The following PCDH15 variants were observed in gnomAD, a reference collection of about 807,000 sequenced individuals.
The protein encoded by PCDH15 is protocadherin related 15, also known as protocadherin-15.
Under a neutral mutation model 178.5 loss-of-function variants are expected in PCDH15, and 129 were observed. That is an observed-to-expected ratio of 0.72 (90% CI 0.63 to 0.84). PCDH15 has a LOEUF of 0.84. Ranked by LOEUF, PCDH15 falls within the 40% of genes least tolerant of loss-of-function variation. The pLI is 0.00. For synonymous variants in PCDH15, 800 were observed against 732.0 expected, an observed-to-expected ratio of 1.09 and a Z score of -1.50; for missense variants, 2,230 against 2,099.9, an observed-to-expected ratio of 1.06 and a Z score of -1.21.
intron 1 of PCDH15, among the ~76,000 whole-genome samples, chr10:55,268,490 T>G (rs1214052166): frequency 6.6e-6 from 1 of 152,206 alleles, no homozygotes; most frequent in Admixed American, 6.5e-5. Flanking sequence ...TAGTTCATAT[T>G]GTTGACAATG....
intron 15 of PCDH15, among the ~76,000 whole-genome samples, chr10:54,097,343 A>G (rs2094718726): frequency 6.6e-6 from 1 of 152,194 alleles, no homozygotes; most frequent in South Asian, 2.1e-4. Flanking sequence ...CTTCTTCCTT[A>G]AACATATCAG....
rs533987008 is a variant in PCDH15 at position 55,292,474 on chromosome 10, C to T, written c.-156+27125G>A. ...TCGGCTCACTGCTACCTCCATCTCCCGGGTTCAAGCAATTCTCCAGCTTCA... is the reference window on the plus strand; with the variant it reads ...TCGGCTCACTGCTACCTCCATCTCCTGGGTTCAAGCAATTCTCCAGCTTCA... On this transcript the variant is annotated intron_variant, in intron 1 of 5. Coordinates refer to the PCDH15 transcript ENST00000458638. 1.8e-4 allele frequency among the ~76,000 whole-genome samples: 27 copies of T among 152,174 alleles called. No homozygotes were observed. In the South Asian group the frequency reaches 2.1e-3, roughly 12 times the overall value.
chr10:55,359,169 C>T (rs1440635868), intron 2 of PCDH15, among the ~76,000 whole-genome samples: 1 of 151,600 alleles, frequency 6.6e-6, no homozygotes, highest in Non-Finnish European at 1.5e-5. Flanking sequence ...TGCACCCCAG[C>T]CTGGGTGACA....
rs74354479 is a variant in PCDH15, at chr10:55,208,429, C to T, written c.-155-41778G>A. On this transcript the variant is annotated intron_variant, in intron 1 of 5. Coordinates refer to the PCDH15 transcript ENST00000458638. ...TCTCATACCACAACCTGCTTCCCAC[C>T]TCTCACATTCACCTCCCCCCACATA... Among the ~76,000 whole-genome samples, 1,354 of 152,120 alleles carry T rather than the reference C, an allele frequency of 8.9e-3. 57 individuals are homozygous for T. Among genetic ancestry groups the T allele is most frequent in the East Asian group, 0.081 (418 of 5,168 alleles).
At chr10:54,851,864 C>T (rs76710818) in intron 3 of PCDH15, among the ~76,000 whole-genome samples, 2 of 152,070 alleles carry the variant, frequency 1.3e-5, no homozygotes, top group Non-Finnish European at 2.9e-5. Flanking sequence ...GCCACCACGA[C>T]TGGCCTGATT....
At chr10:54,087,719 T>A (rs980146966) in intron 16 of PCDH15, among the ~76,000 whole-genome samples, 6 of 152,178 alleles carry the variant, frequency 3.9e-5, no homozygotes, top group Non-Finnish European at 8.8e-5. Context: ...AAAGGCCAGT[T>A]CTCCAAAGTG....
At chr10:54,094,008 C>T (rs1209151426) in intron 15 of PCDH15, among the ~76,000 whole-genome samples, 1 of 152,094 alleles carries the variant, frequency 6.6e-6, no homozygotes, top group African/African-American at 2.4e-5. Context: ...AAAAGTATGA[C>T]AGCAGTTATC....
At chr10:54,817,580 A>G (rs1053307853) in intron 3 of PCDH15, among the ~76,000 whole-genome samples, 1 of 152,028 alleles carries the variant, frequency 6.6e-6, no homozygotes, top group Non-Finnish European at 1.5e-5. Flanking sequence ...AGATGATTCT[A>G]TTAGTAAAAT....
At chr10:54,472,531 C>T (rs1367070557) in intron 3 of PCDH15, among the ~76,000 whole-genome samples, 1 of 151,994 alleles carries the variant, frequency 6.6e-6, no homozygotes, top group African/African-American at 2.4e-5. Flanking sequence ...AACAGAAATT[C>T]CTTTAATAAA....
chr10:55,004,740 A>T (rs1032414573), intron 2 of PCDH15, among the ~76,000 whole-genome samples: 7 of 152,154 alleles, frequency 4.6e-5, no homozygotes, highest in Non-Finnish European at 1.0e-4. Context: ...CCTCTTCCCT[A>T]ACAACACTCA....
intron 2 of PCDH15, among the ~76,000 whole-genome samples, chr10:54,982,463 A>C (rs1839260300): frequency 6.6e-6 from 1 of 152,198 alleles, no homozygotes; most frequent in African/African-American, 2.4e-5. Flanking sequence ...AAACTTGAAG[A>C]AGAAATATTA....
chr10:53,946,293 T>A (rs570782545), intron 23 of PCDH15, among the ~76,000 whole-genome samples: 1 of 152,122 alleles, frequency 6.6e-6, no homozygotes, highest in African/African-American at 2.4e-5. Context: ...TGACACTGTG[T>A]GCTATCTTCC....
chr10:54,039,547 A>G (rs74135769), intron 18 of PCDH15, among the ~76,000 whole-genome samples: 20,647 of 151,974 alleles, frequency 0.14, 2,952 homozygotes, highest in African/African-American at 0.35. Context: ...AACAGAAGGA[A>G]AAACATACTT....
chr10:53,871,722 CTTGTT>C (rs201361066), intron 26 of PCDH15, among the ~76,000 whole-genome samples: 10,780 of 149,482 alleles, frequency 0.072, 565 homozygotes, highest in African/African-American at 0.14. Flanking sequence ...GCTTCCAGTT[CTTGTT>C]TTGTTTTGTT....
intron 24 of PCDH15, among the ~76,000 whole-genome samples, 188 bp from the exon 25 acceptor site, chr10:53,939,143 C>T (rs567124513): frequency 1.3e-5 from 2 of 152,204 alleles, no homozygotes; most frequent in South Asian, 2.1e-4. Flanking sequence ...ATCAATACTT[C>T]GCTAAAGTCT....
intron 2 of PCDH15, among the ~76,000 whole-genome samples, chr10:55,602,299 C>T (rs1043693140): frequency 1.3e-5 from 2 of 152,030 alleles, no homozygotes; most frequent in African/African-American, 2.4e-5. Flanking sequence ...AAGGCGGCAG[C>T]GAGGCTGGGG....
At chr10:55,361,374 G>A (rs1334441858) in intron 2 of PCDH15, among the ~76,000 whole-genome samples, 2 of 151,836 alleles carry the variant, frequency 1.3e-5, no homozygotes, top group Non-Finnish European at 2.9e-5. Flanking sequence ...AAACATACTG[G>A]AAAATCAAAT....
intron 2 of PCDH15, among the ~76,000 whole-genome samples, chr10:54,640,217 A>G (rs904051970): frequency 6.6e-6 from 1 of 152,192 alleles, no homozygotes; most frequent in Non-Finnish European, 1.5e-5. Flanking sequence ...ATATTTAAAC[A>G]TAATTTCTTT....
chr10:55,568,689 T>G (rs1842351104), intron 2 of PCDH15, among the ~76,000 whole-genome samples: 1 of 152,016 alleles, frequency 6.6e-6, no homozygotes, highest in African/African-American at 2.4e-5. Context: ...TGAAATATAG[T>G]TAATTTAATG....
Sources: gnomAD v4.1 joint callset for allele counts (sites outside exome capture counted in the v4.1 genomes callset) on GRCh38, gnomAD v4.1.1 for gene constraint, MANE v1.5 for transcripts, NCBI Gene and HGNC (gene_info 2026-07-23, HGNC 2026-07-21) for gene names.